Variants in KCNAB1 observed in about 807,000 individuals in gnomAD.
The protein encoded by KCNAB1 is voltage-gated potassium channel subunit beta-1.
A neutral mutation model predicts 64.6 loss-of-function variants in KCNAB1; 35 were observed. That is an observed-to-expected ratio of 0.54 (90% CI 0.41 to 0.72). The LOEUF (loss-of-function observed/expected upper bound fraction) is 0.72. Among genes scored for constraint, KCNAB1 ranks in the 30% least tolerant of loss-of-function variants. KCNAB1 has a pLI of 0.00. For synonymous variants in KCNAB1, 177 were observed against 183.8 expected, an observed-to-expected ratio of 0.96 and a Z score of 0.30; for missense variants, 401 against 512.9, an observed-to-expected ratio of 0.78 and a Z score of 2.11.
intron 1 of KCNAB1, among the ~76,000 whole-genome samples, chr3:156,255,244 C>A (rs568115979): frequency 6.6e-6 from 1 of 152,160 alleles, no homozygotes; most frequent in Non-Finnish European, 1.5e-5. Flanking sequence ...TGCTATGAGC[C>A]GGATCTTATT....
chr3:156,197,652 A>G (rs1308251893), intron 1 of KCNAB1, among the ~76,000 whole-genome samples: 1 of 152,028 alleles, frequency 6.6e-6, no homozygotes, highest in Non-Finnish European at 1.5e-5. Flanking sequence ...TATCCCCTTT[A>G]TCATTTTTTA....
intron 7 of KCNAB1, among the ~76,000 whole-genome samples, chr3:156,471,978 C>A (rs1341420248): frequency 6.6e-6 from 1 of 152,136 alleles, no homozygotes; most frequent in Non-Finnish European, 1.5e-5. Flanking sequence ...TTCGGGACAG[C>A]CCAAATCAGT....
chr3:156,430,487 T>A (rs984382930), intron 2 of KCNAB1, among the ~76,000 whole-genome samples: 2 of 152,212 alleles, frequency 1.3e-5, no homozygotes, highest in African/African-American at 4.8e-5. Context: ...TAGGCCCAGA[T>A]CTGGGCAATT....
chr3:156,457,289 G>A (rs1405894625), intron 3 of KCNAB1, 164 bp from the exon 4 acceptor site: 2 of 1,435,074 alleles, frequency 1.4e-6, no homozygotes, highest in African/African-American at 2.9e-5. Context: ...CTGTCCTATG[G>A]ATACTGGCTG....
At chr3:156,517,278 C>T (rs1447455854) in intron 11 of KCNAB1, among the ~76,000 whole-genome samples, 1 of 152,208 alleles carries the variant, frequency 6.6e-6, no homozygotes, top group Non-Finnish European at 1.5e-5. Context: ...TGTGAGCTTC[C>T]CTAATCAGAA....
Position 156,327,267 on chromosome 3 carries a change from C to G in KCNAB1, c.276-94349C>G, listed in dbSNP as rs16847027. Among the ~76,000 whole-genome samples, 1,100 of 152,256 alleles carry G rather than the reference C, an allele frequency of 7.2e-3. 7 individuals are homozygous for G. Among genetic ancestry groups the G allele is most frequent in the East Asian group, 0.044 (227 of 5,184 alleles). ...TTCACCTTAATCTGCCCGAAATAGA[C>G]AGAAGTGCATGTGTTGAGGCCATAC... On this transcript the variant is annotated intron_variant, in intron 1 of 13. Coordinates refer to ENST00000490337, the MANE Select transcript of KCNAB1 (RefSeq NM_172160.3).
intron 1 of KCNAB1, among the ~76,000 whole-genome samples, chr3:156,128,528 A>T (rs1334277628): frequency 2.6e-5 from 4 of 152,224 alleles, no homozygotes; most frequent in Non-Finnish European, 5.9e-5. Flanking sequence ...AATTTGTAGT[A>T]TCCTTGTTTA....
At chr3:156,390,899 T>C (rs914793350) in intron 1 of KCNAB1, among the ~76,000 whole-genome samples, 1 of 152,148 alleles carries the variant, frequency 6.6e-6, no homozygotes, top group Non-Finnish European at 1.5e-5. Context: ...TGGATTCTTT[T>C]TACAGTGATT....
chr3:156,160,853 A>T (rs1250300630), intron 1 of KCNAB1, among the ~76,000 whole-genome samples: 1 of 152,212 alleles, frequency 6.6e-6, no homozygotes, highest in Non-Finnish European at 1.5e-5. Flanking sequence ...AGAAGGGAAA[A>T]TGCTCATTGA....
chr3:156,170,342 T>C (rs1711886338), intron 1 of KCNAB1, among the ~76,000 whole-genome samples: 1 of 151,716 alleles, frequency 6.6e-6, no homozygotes, highest in South Asian at 2.1e-4. Context: ...CGGCTACTAC[T>C]GTGGTTGATA....
chr3:156,460,531 A>G (rs1307365091), intron 5 of KCNAB1: 1 of 152,244 alleles, frequency 6.6e-6, no homozygotes, highest in African/African-American at 2.4e-5. Flanking sequence ...CCATTTCACT[A>G]TAGATTTCAG....
intron 2 of KCNAB1, among the ~76,000 whole-genome samples, chr3:156,422,100 A>T (rs939068435): frequency 3.3e-5 from 5 of 152,194 alleles, no homozygotes; most frequent in African/African-American, 1.2e-4. Context: ...AATCTGCCTT[A>T]AATATTTGGG....
intron 1 of KCNAB1, among the ~76,000 whole-genome samples, chr3:156,187,853 C>T (rs753616462): frequency 2.0e-5 from 3 of 152,210 alleles, no homozygotes; most frequent in Non-Finnish European, 4.4e-5. Flanking sequence ...AATCTGGGTT[C>T]GCTAGCACAG....
In KCNAB1 at chr3:156,508,667, C is replaced by T. The variant is rs1313396559; in HGVS notation, c.659-5697C>T. Among the ~76,000 whole-genome samples, 2 of 152,168 alleles carry T rather than the reference C, an allele frequency of 1.3e-5. No individual in the cohort carries two copies. The highest frequency in any genetic ancestry group is 1.5e-5 in the Non-Finnish European group (1 of 68,040). On this transcript the variant is annotated intron_variant, in intron 8 of 13. Coordinates refer to ENST00000490337, the MANE Select transcript of KCNAB1 (RefSeq NM_172160.3). The surrounding 1 kb of genome is among the most constrained non-coding windows in gnomAD (Gnocchi z 4.1). ...TTTCAAATTCACAAGTTATTCTACA[C>T]CCATTATCCCACGTCAAGCTTTGAA...
chr3:156,328,205 G>A (rs1362136137), intron 1 of KCNAB1, among the ~76,000 whole-genome samples: 1 of 152,090 alleles, frequency 6.6e-6, no homozygotes, highest in Non-Finnish European at 1.5e-5. Flanking sequence ...CAAGGACGAT[G>A]GTAAATGAGG....
chr3:156,143,224 C>A (rs1714809179), intron 1 of KCNAB1: 2 of 1,613,436 alleles, frequency 1.2e-6, no homozygotes, highest in African/African-American at 1.3e-5. Context: ...GAGCCCCAAG[C>A]TGGGTCTGCC....
chr3:156,165,254 G>T (rs530525082), intron 1 of KCNAB1, among the ~76,000 whole-genome samples: 404 of 142,210 alleles, frequency 2.8e-3, no homozygotes, highest in Non-Finnish European at 4.7e-3. Flanking sequence ...CTCCAGCCTG[G>T]GCGACAGAGC....
chr3:156,510,257 C>A (rs1479787667), intron 8 of KCNAB1, among the ~76,000 whole-genome samples: 1 of 152,228 alleles, frequency 6.6e-6, no homozygotes, highest in Non-Finnish European at 1.5e-5. Context: ...TGCTACACAT[C>A]TCATGCCTCC....
chr3:156,198,811 A>G (rs563174156), intron 1 of KCNAB1, among the ~76,000 whole-genome samples: 1 of 146,432 alleles, frequency 6.8e-6, no homozygotes, highest in South Asian at 2.2e-4. Flanking sequence ...TAAGGTTAAT[A>G]TTGTTATGTG....
Sources: gnomAD v4.1 joint callset for allele counts (sites outside exome capture counted in the v4.1 genomes callset) on GRCh38, gnomAD v4.1.1 for gene constraint, Gnocchi (gnomAD v3.1) non-coding constraint, MANE v1.5 for transcripts, NCBI Gene and HGNC (gene_info 2026-07-23, HGNC 2026-07-21) for gene names.